Variants in TEAD3 observed in about 807,000 individuals in gnomAD.
TEAD3 encodes the protein TEA domain transcription factor 3.
A neutral mutation model predicts 55.6 loss-of-function variants in TEAD3; 15 were observed. That is an observed-to-expected ratio of 0.27 (90% CI 0.18 to 0.42). TEAD3 has a LOEUF of 0.42. Ranked by LOEUF, TEAD3 falls within the 10% of genes least tolerant of loss-of-function variation. The pLI is 1.00. For synonymous variants in TEAD3, 210 were observed against 232.2 expected (o/e 0.90, Z 0.87); for missense variants, 407 against 576.8 (o/e 0.71, Z 3.01).
chr6:35,486,313 C>T lies in TEAD3; in HGVS notation c.202+148G>A, dbSNP rs1022724919. Reference sequence around the variant, plus strand: ...AGCCCGGCTTGTTTATGAGGAGGAGCGCGGAGGAGGATCCAGACACACAGG... The same window carrying T: ...AGCCCGGCTTGTTTATGAGGAGGAGTGCGGAGGAGGATCCAGACACACAGG... On this transcript the variant is annotated intron_variant, in intron 2 of 12. Coordinates refer to ENST00000639578, the Ensembl canonical transcript of TEAD3. This position sits in a 1 kb window ranked among gnomAD's most constrained non-coding sequence, Gnocchi z 7.3. The T allele has an allele frequency of 6.3e-6, 6 of 950,294 alleles. No homozygotes were observed. Among genetic ancestry groups the T allele is most frequent in the Non-Finnish European group, 9.2e-6 (6 of 652,252 alleles). The allele number at this position is 950,294 out of a possible 1,614,324, so 58.9% of individuals were successfully genotyped here. A position where few individuals can be genotyped will look rare whatever the true frequency, so the allele number is the denominator to read the frequency against.
At position 35,486,445 on chromosome 6, in the gene TEAD3, GC is replaced by G. The variant is rs756360118; in HGVS notation, c.202+15del. On this transcript the variant is annotated intron_variant, in intron 2 of 12. Coordinates refer to ENST00000639578, the Ensembl canonical transcript of TEAD3. This position sits in a 1 kb window ranked among gnomAD's most constrained non-coding sequence, Gnocchi z 7.3. ...GGGGAAGGGCCGCAGTCCCGCCCGC[GC>G]CCCCCGGCACGCACCGTACATCTTG... 8 of 1,602,630 alleles carry G rather than the reference GC, an allele frequency of 5.0e-6. No homozygotes were observed. The highest frequency in any genetic ancestry group is 1.7e-5 in the Admixed American group (1 of 59,540).
chr6:35,481,454 A>G (rs1403911578), intron 3 of TEAD3, among the ~76,000 whole-genome samples: 1 of 152,132 alleles, frequency 6.6e-6, no homozygotes, highest in Non-Finnish European at 1.5e-5. Flanking sequence ...TAAGTATGTG[A>G]TACCACCTGG....
intron 4 of TEAD3, chr6:35,479,965 C>A: frequency 2.6e-6 from 3 of 1,136,746 alleles, no homozygotes; most frequent in Non-Finnish European, 3.7e-6. Flanking sequence ...GCTTCTCAGC[C>A]CCTTGCCTGT....
chr6:35,493,498 G>T (rs376486096), intron 1 of TEAD3, among the ~76,000 whole-genome samples: 44 of 152,030 alleles, frequency 2.9e-4, no homozygotes, highest in Admixed American at 2.9e-3. Flanking sequence ...TCTCACATAC[G>T]GTGTCGCTTT....
chr6:35,496,019 C>A lies in TEAD3; in HGVS notation c.-50+879G>T, dbSNP rs1282875094. Among the ~76,000 whole-genome samples, 2 of 152,224 alleles carry A rather than the reference C, an allele frequency of 1.3e-5. No individual in the cohort carries two copies. Among genetic ancestry groups the A allele is most frequent in the South Asian group, 2.1e-4 (1 of 4,836 alleles). On this transcript the variant is annotated intron_variant, in intron 1 of 12. Coordinates refer to ENST00000639578, the Ensembl canonical transcript of TEAD3. This position sits in a 1 kb window ranked among gnomAD's most constrained non-coding sequence, Gnocchi z 4.8. ...ACCAGGAAAGTTGACAGAGCGGGGT[C>A]TCAATGACACTGCCCCAGGGCCCAG... is the stretch of plus-strand genomic sequence containing the variant.
At chr6:35,493,723 G>A (rs1768582164) in intron 1 of TEAD3, among the ~76,000 whole-genome samples, 2 of 152,206 alleles carry the variant, frequency 1.3e-5, no homozygotes, top group South Asian at 4.1e-4. Context: ...TCACACCACA[G>A]CGTAACACAT....
At position 35,496,245 on chromosome 6, in the gene TEAD3, A is replaced by C. The variant is rs1411277037; in HGVS notation, c.-50+653T>G. Among the ~76,000 whole-genome samples, 1 of 152,224 alleles carries C rather than the reference A, an allele frequency of 6.6e-6. No homozygotes were observed. Among genetic ancestry groups the C allele is most frequent in the Non-Finnish European group, 1.5e-5 (1 of 68,042 alleles). Reference sequence around the variant, plus strand: ...ATCCAGACCCCTCCGAGCCAAGCTCACAGCGCTCAGGGCTGGAACTCTGAA... The same window carrying C: ...ATCCAGACCCCTCCGAGCCAAGCTCCCAGCGCTCAGGGCTGGAACTCTGAA... On this transcript the variant is annotated intron_variant, in intron 1 of 12. Transcript: ENST00000639578. The surrounding 1 kb of genome is among the most constrained non-coding windows in gnomAD (Gnocchi z 4.8).
exon 13 of TEAD3, chr6:35,474,996 G>A: frequency 7.0e-7 from 1 of 1,434,490 alleles, no homozygotes; most frequent in East Asian, 2.5e-5. Context: ...AGGCAGGTGT[G>A]GAGAGGAGAT....
Position 35,476,445 on chromosome 6 carries a change from C to A in TEAD3, c.593-10G>T, listed in dbSNP as rs376115875. Reference sequence around the variant, plus strand: ...GCCAGGGGCTCATAACCTGGGAGGGCGAGACAGATTTTCATCTGCATGGAT... The same window carrying A: ...GCCAGGGGCTCATAACCTGGGAGGGAGAGACAGATTTTCATCTGCATGGAT... On this transcript the variant is annotated splice_polypyrimidine_tract_variant and intron_variant, in intron 8 of 12. Transcript: ENST00000639578. 6.2e-7 allele frequency: 1 copy of A among 1,612,500 alleles called. No individual in the cohort carries two copies. Among genetic ancestry groups the A allele is most frequent in the Admixed American group, 1.7e-5 (1 of 59,998 alleles).
At chr6:35,490,188 GC>G (rs1166122311) in intron 1 of TEAD3, among the ~76,000 whole-genome samples, 5 of 152,124 alleles carry the variant, frequency 3.3e-5, no homozygotes, top group Admixed American at 6.5e-5. Context: ...GCAGGCTGTG[GC>G]CCCCCCTTCT....
chr6:35,479,943 G>T, intron 4 of TEAD3: 1 of 870,958 alleles, frequency 1.1e-6, no homozygotes, highest in East Asian at 4.8e-5. Flanking sequence ...TTTCTTTCTG[G>T]ACCCCCTCAC....
At chr6:35,490,350 AG>A (rs1768484556) in intron 1 of TEAD3, among the ~76,000 whole-genome samples, 1 of 151,212 alleles carries the variant, frequency 6.6e-6, no homozygotes, top group African/African-American at 2.4e-5. Flanking sequence ...GGGGGAGGGG[AG>A]GGGGGACGGC....
rs1005568235 is a variant in TEAD3 at position 35,491,144 on chromosome 6, A to G, written c.-49-4433T>C. Reference sequence around the variant, plus strand: ...CAGTGAGTGACAGACAGAAAGCCCAACCCAGTGGGGGACAGACCAGAGCCC... The same window carrying G: ...CAGTGAGTGACAGACAGAAAGCCCAGCCCAGTGGGGGACAGACCAGAGCCC... On this transcript the variant is annotated intron_variant, in intron 1 of 12. Coordinates refer to ENST00000639578, the Ensembl canonical transcript of TEAD3. This position sits in a 1 kb window ranked among gnomAD's most constrained non-coding sequence, Gnocchi z 4.4. Among the ~76,000 whole-genome samples, 2 of 151,924 alleles carry G rather than the reference A, an allele frequency of 1.3e-5. No homozygotes were observed. Among genetic ancestry groups the G allele is most frequent in the African/African-American group, 4.8e-5 (2 of 41,320 alleles).
At position 35,480,223 on chromosome 6, in the gene TEAD3, G is replaced by A. The variant is rs74505043; in HGVS notation, c.268-101C>T. The A allele has an allele frequency of 1.2e-5, 18 of 1,563,040 alleles. No homozygotes were observed. The Admixed American group carries it at 3.4e-4, about 30-fold the overall frequency. ...AGAGGCACAGTGGGGCTGGAGAGCT[G>A]GCCAAGGAAAGGCCTGAGCTATGCA... is the stretch of plus-strand genomic sequence containing the variant. On this transcript the variant is annotated intron_variant, in intron 3 of 12. Transcript: ENST00000639578.
At chr6:35,490,671 C>T (rs964937663) in intron 1 of TEAD3, among the ~76,000 whole-genome samples, 3 of 152,176 alleles carry the variant, frequency 2.0e-5, no homozygotes, top group Non-Finnish European at 4.4e-5. Flanking sequence ...CTGCAGGAGG[C>T]GTGAGCACTG....
chr6:35,477,680 A>C (rs953165061), intron 7 of TEAD3, among the ~76,000 whole-genome samples: 2 of 138,368 alleles, frequency 1.4e-5, no homozygotes, highest in Non-Finnish European at 3.0e-5. Flanking sequence ...TTAGAGTTGA[A>C]GAACCAGCAC....
chr6:35,478,449 G>A, exon 6 of TEAD3: 1 of 1,613,656 alleles, frequency 6.2e-7, no homozygotes, highest in Non-Finnish European at 8.5e-7. Context: ...AGGAAGTGGA[G>A]AAGACGGCCT....
chr6:35,475,191 CAG>C lies in TEAD3; in HGVS notation c.1195-36_1195-35del, dbSNP rs1768117480. ...TGAGCAGGTAAGAGATTCAGGAGGT[CAG>C]GGAGAAAAGGGCCACGGGGCAGGGG... On this transcript the variant is annotated intron_variant, in intron 12 of 12. Transcript: ENST00000639578. This position sits in a 1 kb window ranked among gnomAD's most constrained non-coding sequence, Gnocchi z 5.4. 6.4e-7 allele frequency: 1 copy of C among 1,569,534 alleles called. No individual in the cohort carries two copies.
chr6:35,479,458 C>A, intron 4 of TEAD3, 142 bp from the exon 5 acceptor site: 1 of 1,037,148 alleles, frequency 9.6e-7, no homozygotes, highest in Admixed American at 2.2e-5. Flanking sequence ...GCAGACCCTC[C>A]CCGTCCCCAC....
Sources: gnomAD v4.1 joint callset for allele counts (sites outside exome capture counted in the v4.1 genomes callset) on GRCh38, gnomAD v4.1.1 for gene constraint, Gnocchi (gnomAD v3.1) non-coding constraint, MANE v1.5 for transcripts, NCBI Gene and HGNC (gene_info 2026-07-23, HGNC 2026-07-21) for gene names.